BCL11B: variants seen among roughly 807,000 people sequenced by gnomAD.
The protein encoded by BCL11B is BCL11 transcription factor B.
In BCL11B, 8 loss-of-function variants were observed where a neutral mutation model predicts 49.9. The ratio of observed to expected loss-of-function variants is 0.16; its 90% confidence interval spans 0.09 to 0.29. BCL11B has a LOEUF of 0.29. Among genes scored for constraint, BCL11B ranks in the 10% least tolerant of loss-of-function variants. The probability of loss-of-function intolerance (pLI) is 1.00; values close to 1 mark genes in which losing one functional copy is unlikely to be tolerated. For synonymous variants in BCL11B, 739 were observed against 637.4 expected, an observed-to-expected ratio of 1.16 and a Z score of -2.40; for missense variants, 1,006 against 1,351.0, an observed-to-expected ratio of 0.74 and a Z score of 4.00.
At chr14:99,251,708 A>G (rs1244353173) in intron 2 of BCL11B, among the ~76,000 whole-genome samples, 1 of 152,216 alleles carries the variant, frequency 6.6e-6, no homozygotes, top group Non-Finnish European at 1.5e-5. Context: ...ACTGAAGGCC[A>G]TGGTCCCTGG....
At chr14:99,182,812 G>A (rs1187823836) in intron 3 of BCL11B, among the ~76,000 whole-genome samples, 1 of 152,174 alleles carries the variant, frequency 6.6e-6, no homozygotes, top group African/African-American at 2.4e-5. Flanking sequence ...TTAACCCCAG[G>A]CTCCAGGCAG....
chr14:99,262,750 G>C lies in BCL11B; in HGVS notation c.59-4911C>G, dbSNP rs1376967784. Among the ~76,000 whole-genome samples the C allele has an allele frequency of 6.6e-6, 1 of 152,060 alleles. No homozygotes were observed. Among genetic ancestry groups the C allele is most frequent in the Non-Finnish European group, 1.5e-5 (1 of 68,028 alleles). ...ACTTGGGGAGGGGCTGGGACTCCAG[G>C]CGACACGGAAACGCCACCACACGCA... is the stretch of plus-strand genomic sequence containing the variant. On this transcript the variant is annotated intron_variant, in intron 1 of 3. Coordinates refer to ENST00000357195, the MANE Select transcript of BCL11B (RefSeq NM_138576.4). The surrounding 1 kb of genome is among the most constrained non-coding windows in gnomAD (Gnocchi z 4.2).
chr14:99,243,632 C>A (rs1372897890), intron 2 of BCL11B, among the ~76,000 whole-genome samples: 1 of 152,136 alleles, frequency 6.6e-6, no homozygotes, highest in Admixed American at 6.5e-5. Flanking sequence ...ACATGCCAAC[C>A]TCTAGATTCT....
chr14:99,216,899 C>T (rs1887852875), intron 3 of BCL11B, among the ~76,000 whole-genome samples: 1 of 147,534 alleles, frequency 6.8e-6, no homozygotes, highest in East Asian at 1.9e-4. Context: ...ACCATATACA[C>T]TCAGACATAT....
intron 2 of BCL11B, among the ~76,000 whole-genome samples, chr14:99,256,328 A>G (rs1889163278): frequency 6.6e-6 from 1 of 152,178 alleles, no homozygotes; most frequent in Admixed American, 6.5e-5. Context: ...CCACGGGCAA[A>G]AGACTGATTA....
intron 3 of BCL11B, among the ~76,000 whole-genome samples, chr14:99,187,523 C>T (rs756448921): frequency 1.3e-5 from 2 of 152,068 alleles, no homozygotes; most frequent in Non-Finnish European, 2.9e-5. Context: ...TCCCCCACGC[C>T]GCCCAACATG....
intron 1 of BCL11B, among the ~76,000 whole-genome samples, chr14:99,266,333 A>T (rs1210795356): frequency 6.6e-6 from 1 of 152,306 alleles, no homozygotes; most frequent in African/African-American, 2.4e-5. Context: ...CAAGACAGAA[A>T]TGAGCAGTAC....
chr14:99,265,654 C>CT (rs1313740581), intron 1 of BCL11B, among the ~76,000 whole-genome samples: 1 of 152,210 alleles, frequency 6.6e-6, no homozygotes, highest in African/African-American at 2.4e-5. Context: ...CTCTTCATCT[C>CT]TGAGTGGTCC....
chr14:99,257,346 G>A lies in BCL11B; in HGVS notation c.427+125C>T, dbSNP rs186337724. ...TGGACCCTCAGAAAGGGGGAGCCCC[G>A]GCTGGTGGCCCAGAGGCCATCCTGG... On this transcript the variant is annotated intron_variant, in intron 2 of 3. Coordinates refer to ENST00000357195, the MANE Select transcript of BCL11B (RefSeq NM_138576.4). This position sits in a 1 kb window ranked among gnomAD's most constrained non-coding sequence, Gnocchi z 6.2. 1.7e-3 allele frequency: 2,213 copies of A among 1,293,176 alleles called. 34 individuals carry two copies. In the African/African-American group the frequency reaches 0.029, roughly 17 times the overall value. The allele number at this position is 1,293,176 out of a possible 1,614,324, so 80.1% of individuals were successfully genotyped here.
Position 99,257,662 on chromosome 14 carries a change from T to C in BCL11B, c.236A>G (p.Lys79Arg). 2 of 1,612,972 alleles carry C rather than the reference T, an allele frequency of 1.2e-6. No individual in the cohort carries two copies. The highest frequency in any genetic ancestry group is 1.1e-5 in the South Asian group (1 of 90,954). The change falls in exon 2 of 4, where the codon AAG becomes AGG. Residue 79 changes from lysine to arginine, a missense_variant. Lys to Arg is a conservative substitution (Grantham distance 26, BLOSUM62 2). Transcript: ENST00000357195. The surrounding 1 kb of genome is among the most constrained non-coding windows in gnomAD (Gnocchi z 6.2). ...GGCACCCAAGCTGCCGCCACACTGC[T>C]TCCTTTTGTGCTCTATAAAAACCAG... ...DILVFIEHKRKQCGGSLGACY... is the reference protein window; with the variant it reads ...DILVFIEHKRRQCGGSLGACY...
At chr14:99,222,484 G>C (rs994982287) in intron 3 of BCL11B, among the ~76,000 whole-genome samples, 11 of 152,298 alleles carry the variant, frequency 7.2e-5, no homozygotes, top group Admixed American at 7.2e-4. Flanking sequence ...AAATCGACTT[G>C]GTTAAGGCTG....
chr14:99,259,653 A>G (rs916506898), intron 1 of BCL11B, among the ~76,000 whole-genome samples: 9 of 152,228 alleles, frequency 5.9e-5, no homozygotes, highest in African/African-American at 2.2e-4. Context: ...TGTTGTCTGC[A>G]TCTCTCTAAG....
At position 99,213,127 on chromosome 14, in the gene BCL11B, GCAGA is replaced by G. The variant is rs761885167; in HGVS notation, c.640+18214_640+18217del. On this transcript the variant is annotated intron_variant, in intron 3 of 3. Coordinates refer to ENST00000357195, the MANE Select transcript of BCL11B (RefSeq NM_138576.4). This position sits in a 1 kb window ranked among gnomAD's most constrained non-coding sequence, Gnocchi z 5.1. Reference sequence around the variant, plus strand: ...TGCCATCTGCTTAAAACTCACATGAGCAGACAGACAGGGAGGCTTTTCAGCTGGG... The same window carrying G: ...TGCCATCTGCTTAAAACTCACATGAGCAGACAGGGAGGCTTTTCAGCTGGG... Among the ~76,000 whole-genome samples the G allele has an allele frequency of 6.6e-6, 1 of 152,188 alleles. No homozygotes were observed. Among genetic ancestry groups the G allele is most frequent in the Non-Finnish European group, 1.5e-5 (1 of 68,030 alleles).
intron 1 of BCL11B, among the ~76,000 whole-genome samples, chr14:99,259,762 GT>G (rs1422811652): frequency 3.3e-5 from 5 of 152,144 alleles, no homozygotes; most frequent in African/African-American, 4.8e-5. Context: ...TTAAAAATGG[GT>G]TTGAAGACAA....
intron 3 of BCL11B, among the ~76,000 whole-genome samples, chr14:99,225,962 AAG>A (rs1888148866): frequency 6.6e-6 from 1 of 152,202 alleles, no homozygotes. Flanking sequence ...CGGTCACAGA[AAG>A]AGGCGTCTGG....
chr14:99,258,351 C>T (rs537116468), intron 1 of BCL11B, among the ~76,000 whole-genome samples: 2 of 152,162 alleles, frequency 1.3e-5, no homozygotes, highest in Admixed American at 6.5e-5. Context: ...CAGCCAGGGC[C>T]GAGAACCAGT....
rs553929514 is a variant in BCL11B, at chr14:99,170,690, C to T, written c.*3461G>A. 4.3e-5 allele frequency: 10 copies of T among 233,152 alleles called. No homozygotes were observed. The highest frequency in any genetic ancestry group is 3.6e-4 in the South Asian group (2 of 5,516). 14.4% of individuals were successfully genotyped at this position (233,152 alleles called of 1,614,324 possible). ...CCAGGCCCTCGCATTCGGAAACTGA[C>T]GGAATGTAGGTTTCAGAGAGCAAAG... On this transcript the variant is annotated 3_prime_UTR_variant, in exon 4 of 4. Transcript: ENST00000357195.
chr14:99,211,664 G>A (rs553031916), intron 3 of BCL11B, among the ~76,000 whole-genome samples: 3 of 151,964 alleles, frequency 2.0e-5, no homozygotes, highest in Non-Finnish European at 4.4e-5. Context: ...CGAGTCCATC[G>A]TCCTTACTTC....
At chr14:99,198,873 C>T (rs1254445307) in intron 3 of BCL11B, among the ~76,000 whole-genome samples, 1 of 152,124 alleles carries the variant, frequency 6.6e-6, no homozygotes, top group East Asian at 1.9e-4. Flanking sequence ...AGCAGGCTTC[C>T]GACTCTCTGC....
Sources: gnomAD v4.1 joint callset for allele counts (sites outside exome capture counted in the v4.1 genomes callset) on GRCh38, gnomAD v4.1.1 for gene constraint, Gnocchi (gnomAD v3.1) non-coding constraint, MANE v1.5 for transcripts, NCBI Gene and HGNC (gene_info 2026-07-23, HGNC 2026-07-21) for gene names.